Variants in FRAS1 observed in about 807,000 individuals in gnomAD.
FRAS1 encodes the protein Fraser extracellular matrix complex subunit 1.
A neutral mutation model predicts 435.2 loss-of-function variants in FRAS1; 290 were observed. The ratio of observed to expected loss-of-function variants is 0.67; its 90% confidence interval spans 0.61 to 0.73. The LOEUF (loss-of-function observed/expected upper bound fraction) is 0.73, where lower values mean the gene tolerates loss of function less well. Ranked by LOEUF, FRAS1 falls within the 30% of genes least tolerant of loss-of-function variation. The probability of loss-of-function intolerance (pLI) is 0.00; values close to 1 mark genes in which losing one functional copy is unlikely to be tolerated. For synonymous variants in FRAS1, 1,800 were observed against 1,851.0 expected (o/e 0.97, Z 0.71); for missense variants, 4,860 against 5,001.5 (o/e 0.97, Z 0.85).
chr4:78,154,005 G>A (rs1720778773), intron 2 of FRAS1, among the ~76,000 whole-genome samples: 1 of 151,300 alleles, frequency 6.6e-6, no homozygotes. Flanking sequence ...TTTTTCTGTC[G>A]AAAATTTTTG....
chr4:78,464,667 G>T, intron 49 of FRAS1, 84 bp downstream of exon 49: 1 of 1,465,392 alleles, frequency 6.8e-7, no homozygotes. Flanking sequence ...TGTGCATCCT[G>T]ATGGTAGGGA....
At chr4:78,305,948 C>T (rs544827536) in intron 14 of FRAS1, among the ~76,000 whole-genome samples, 1 of 151,698 alleles carries the variant, frequency 6.6e-6, no homozygotes, top group African/African-American at 2.4e-5. Flanking sequence ...ATGCAGTTTC[C>T]TCTTAGTCTC....
At chr4:78,262,043 G>C (rs2110147892) in intron 6 of FRAS1, among the ~76,000 whole-genome samples, 1 of 152,282 alleles carries the variant, frequency 6.6e-6, no homozygotes. Context: ...TTTATAGCCA[G>C]ATGCTAGGAA....
intron 2 of FRAS1, among the ~76,000 whole-genome samples, chr4:78,222,480 A>G (rs1012762561): frequency 7.2e-5 from 11 of 152,372 alleles, no homozygotes; most frequent in African/African-American, 2.4e-4. Context: ...GCAGAAAGAA[A>G]GGCTAAAAGT....
At chr4:78,121,373 A>G (rs1719013094) in intron 2 of FRAS1, among the ~76,000 whole-genome samples, 1 of 152,172 alleles carries the variant, frequency 6.6e-6, no homozygotes, top group Admixed American at 6.5e-5. Context: ...CCACATACTG[A>G]GAGTATTCAT....
At chr4:78,384,907 C>CAAAA (rs11315732) in intron 28 of FRAS1, among the ~76,000 whole-genome samples, 2 of 101,766 alleles carry the variant, frequency 2.0e-5, no homozygotes, top group East Asian at 3.9e-4. Flanking sequence ...GACCCTGTCT[C>CAAAA]AAAAAAAAAA....
intron 3 of FRAS1, among the ~76,000 whole-genome samples, chr4:78,242,292 T>C (rs1725034722): frequency 6.6e-6 from 1 of 152,208 alleles, no homozygotes; most frequent in Admixed American, 6.5e-5. Flanking sequence ...TTGGCTCATG[T>C]CCCAGTGTGA....
intron 61 of FRAS1, among the ~76,000 whole-genome samples, chr4:78,504,701 T>C (rs1198121279): frequency 1.3e-5 from 2 of 152,248 alleles, no homozygotes; most frequent in Non-Finnish European, 2.9e-5. Flanking sequence ...TGTCTTTTAA[T>C]TGGGGTCATT....
chr4:78,196,101 G>A (rs981900790), intron 2 of FRAS1, among the ~76,000 whole-genome samples: 19 of 151,950 alleles, frequency 1.3e-4, no homozygotes, highest in Admixed American at 4.6e-4. Context: ...TCCGCCTCCC[G>A]GGTTCATGCC....
intron 2 of FRAS1, among the ~76,000 whole-genome samples, chr4:78,070,259 A>C (rs955494619): frequency 1.1e-5 from 1 of 90,054 alleles, no homozygotes; most frequent in South Asian, 3.8e-4. Context: ...ATAAGTGTAT[A>C]TATATATATA....
At chr4:78,371,084 T>A (rs76700845) in intron 23 of FRAS1, among the ~76,000 whole-genome samples, 3 of 102,656 alleles carry the variant, frequency 2.9e-5, no homozygotes, top group Non-Finnish European at 5.6e-5. Flanking sequence ...TTTTTTTCTG[T>A]TTTTTTGTTT....
chr4:78,078,668 TA>T (rs1174552808), intron 2 of FRAS1, among the ~76,000 whole-genome samples: 1 of 152,038 alleles, frequency 6.6e-6, no homozygotes, highest in African/African-American at 2.4e-5. Flanking sequence ...CAAAAAAATT[TA>T]AAAATGTAAA....
chr4:78,249,045 A>AATATATATATATATG (rs1725387570), intron 4 of FRAS1, among the ~76,000 whole-genome samples: 1 of 62,878 alleles, frequency 1.6e-5, no homozygotes, highest in African/African-American at 6.4e-5. Context: ...ATGAAGAACT[A>AATATATATATATATG]CTGATATATA....
chr4:78,277,369 A>C (rs1038717760), intron 9 of FRAS1, among the ~76,000 whole-genome samples: 2 of 152,184 alleles, frequency 1.3e-5, no homozygotes, highest in African/African-American at 2.4e-5. Flanking sequence ...CCAGTACCTC[A>C]GTTGGAAATG....
chr4:78,411,278 T>G (rs1733325145), intron 31 of FRAS1, among the ~76,000 whole-genome samples: 2 of 152,010 alleles, frequency 1.3e-5, no homozygotes, highest in Admixed American at 6.6e-5. Flanking sequence ...GCCCAGCTAA[T>G]TTTTTGTATT....
At chr4:78,533,025 T>C (rs1454161026) in intron 70 of FRAS1, among the ~76,000 whole-genome samples, 3 of 152,152 alleles carry the variant, frequency 2.0e-5, no homozygotes, top group Admixed American at 2.0e-4. Context: ...GGTCATGTAA[T>C]AGTTCTATTT....
At chr4:78,421,009 G>A (rs1733769177) in intron 33 of FRAS1, among the ~76,000 whole-genome samples, 1 of 150,250 alleles carries the variant, frequency 6.7e-6, no homozygotes, top group Non-Finnish European at 1.5e-5. Context: ...GCAAGGACAG[G>A]CAGTTTGACT....
chr4:78,130,851 A>G (rs936859395), intron 2 of FRAS1, among the ~76,000 whole-genome samples: 46 of 152,248 alleles, frequency 3.0e-4, no homozygotes, highest in African/African-American at 1.1e-3. Context: ...TTATTTAACT[A>G]TAGCTAAAAA....
intron 36 of FRAS1, among the ~76,000 whole-genome samples, chr4:78,429,503 A>G (rs1029874445): frequency 3.9e-5 from 6 of 152,144 alleles, no homozygotes; most frequent in Admixed American, 2.0e-4. Flanking sequence ...AATATAAAGT[A>G]ATAGAGCGGC....
Sources: gnomAD v4.1 joint callset for allele counts (sites outside exome capture counted in the v4.1 genomes callset) on GRCh38, gnomAD v4.1.1 for gene constraint, MANE v1.5 for transcripts, NCBI Gene and HGNC (gene_info 2026-07-23, HGNC 2026-07-21) for gene names.